The following DPH1 variants were observed in gnomAD, a reference collection of about 807,000 sequenced individuals.
DPH1 encodes 2-(3-amino-3-carboxypropyl)histidine synthase subunit 1.
A neutral mutation model predicts 55.3 loss-of-function variants in DPH1; 59 were observed. That is an observed-to-expected ratio of 1.07 (90% CI 0.87 to 1.33). The LOEUF is 1.33. Ranked by LOEUF, DPH1 falls within the 40% of genes most tolerant of loss-of-function variation. The pLI is 0.00. For missense variants in DPH1, 628 were observed against 584.8 expected, an observed-to-expected ratio of 1.07 and a Z score of -0.76; for synonymous variants, 238 against 235.5, an observed-to-expected ratio of 1.01 and a Z score of -0.10.
chr17:2,042,216 G>A (rs868249971), intron 12 of DPH1: 3 of 1,428,986 alleles, frequency 2.1e-6, no homozygotes, highest in Non-Finnish European at 9.1e-7. Context: ...CCCCGAGGGC[G>A]CCAGATCAGA....
chr17:2,041,767 G>T lies in DPH1; in HGVS notation c.1228-1G>T. Reference sequence around the variant, plus strand: ...ACCCTAACCAAAGTCTGCGACCTCAGGTGCAGGAGGGGTCCGCGCGTCCCC... The same window carrying T: ...ACCCTAACCAAAGTCTGCGACCTCATGTGCAGGAGGGGTCCGCGCGTCCCC... On this transcript the variant is annotated splice_acceptor_variant, in intron 11 of 12. Transcript: ENST00000263083. LOFTEE classifies it high-confidence loss of function. The T allele has an allele frequency of 6.2e-7, 1 of 1,603,628 alleles. No homozygotes were observed. Among genetic ancestry groups the T allele is most frequent in the Non-Finnish European group, 8.5e-7 (1 of 1,175,644 alleles).
chr17:2,041,141 G>A lies in DPH1; in HGVS notation c.1046G>A (p.Trp349Ter), dbSNP rs1268269711. Residue 349 changes from tryptophan (W) to a stop codon, truncating the protein, a stop_gained, in exon 10 of 13, where the codon TGG becomes TAG. Transcript: ENST00000263083. LOFTEE classifies it high-confidence loss of function. ...GCATGTCCACGTCTCTCCATTGACT[G>A]GGGCACAGCCTTCCCCAAGCCGCTG... ...QVACPRLSID[W>*]GTAFPKPLLT... 2 of 1,606,060 alleles carry A rather than the reference G, an allele frequency of 1.2e-6. No homozygotes were observed. The highest frequency in any genetic ancestry group is 1.7e-6 in the Non-Finnish European group (2 of 1,176,440).
At position 2,042,916 on chromosome 17, in the gene DPH1, C is replaced by T. The variant is rs762516476; in HGVS notation, c.*330C>T. On this transcript the variant is annotated 3_prime_UTR_variant, in exon 13 of 13. Transcript: ENST00000263083. ...GTTCAAGGAATCCATCCTGCAAAGG[C>T]CCTTGTCATTGCCTTCGCTCCATGT... The T allele has an allele frequency of 6.2e-7, 1 of 1,614,190 alleles. No individual in the cohort carries two copies. The highest frequency in any genetic ancestry group is 8.5e-7 in the Non-Finnish European group (1 of 1,180,046).
At chr17:2,042,062 A>T (rs745550560) in intron 12 of DPH1, 187 bp downstream of exon 12, 4 of 1,541,514 alleles carry the variant, frequency 2.6e-6, no homozygotes, top group Admixed American at 1.9e-5. Context: ...CCGCGCAGCG[A>T]CCCCTGCGGG....
Position 2,040,610 on chromosome 17 carries a change from G to GTATC in DPH1, c.1007+7_1007+10dup. 6.2e-7 allele frequency: 1 copy of GTATC among 1,613,800 alleles called. No homozygotes were observed. The highest frequency in any genetic ancestry group is 8.5e-7 in the Non-Finnish European group (1 of 1,179,682). ...CCTACTTCCTGAGGTGGATGTGTGAGTATCTGCCTGGCTATGACTGGCTAA... is the reference window on the plus strand; with the variant it reads ...CCTACTTCCTGAGGTGGATGTGTGAGTATCTATCTGCCTGGCTATGACTGGCTAA... On this transcript the variant is annotated splice_donor_region_variant and intron_variant, in intron 9 of 12. Transcript: ENST00000263083.
rs752448387 is a variant in DPH1, at chr17:2,043,157, C to T, written c.*571C>T. ...ATCCAGCTCCTCTAGGGGCAGCCTC[C>T]GTCATCCATGCCCTCCCAGGACCCT... On this transcript the variant is annotated 3_prime_UTR_variant, in exon 13 of 13. Coordinates refer to ENST00000263083, the MANE Select transcript of DPH1 (RefSeq NM_001383.6). 6 of 1,571,250 alleles carry T rather than the reference C, an allele frequency of 3.8e-6. No individual in the cohort carries two copies. Among genetic ancestry groups the T allele is most frequent in the Admixed American group, 1.7e-5 (1 of 58,596 alleles).
chr17:2,031,794 G>A (rs2067336112), intron 1 of DPH1, among the ~76,000 whole-genome samples: 1 of 152,132 alleles, frequency 6.6e-6, no homozygotes, highest in Admixed American at 6.6e-5. Context: ...ATCCTACTTA[G>A]GAGTAGGATG....
rs1267481236 is a variant in DPH1, at chr17:2,041,094, C to T, written c.1008-9C>T. On this transcript the variant is annotated splice_polypyrimidine_tract_variant and intron_variant, in intron 9 of 12. Transcript: ENST00000263083. Reference sequence around the variant, plus strand: ...CCTTCCTAGGGTCTGACCTGGCTTCCCTTCCCAGGTGGGTGCAGGTGGCAT... The same window carrying T: ...CCTTCCTAGGGTCTGACCTGGCTTCTCTTCCCAGGTGGGTGCAGGTGGCAT... 3.2e-5 allele frequency: 51 copies of T among 1,595,304 alleles called. No homozygotes were observed. The highest frequency in any genetic ancestry group is 4.1e-5 in the Non-Finnish European group (48 of 1,170,334).
chr17:2,035,668 G>A (rs2067412175), intron 3 of DPH1, among the ~76,000 whole-genome samples: 1 of 152,160 alleles, frequency 6.6e-6, no homozygotes, highest in Non-Finnish European at 1.5e-5. Context: ...AGGGCATGGG[G>A]CGTCTGTGTT....
chr17:2,034,079 G>A (rs2067369264), intron 3 of DPH1, among the ~76,000 whole-genome samples: 1 of 151,956 alleles, frequency 6.6e-6, no homozygotes, highest in Non-Finnish European at 1.5e-5. Context: ...TTGGGACAGA[G>A]AAAGAAATCA....
At chr17:2,035,508 CCCTGCCTGTGGTGGGGAGGGAGTGGGGGT>C (rs2067407977) in intron 3 of DPH1, among the ~76,000 whole-genome samples, 1 of 121,520 alleles carries the variant, frequency 8.2e-6, no homozygotes, top group East Asian at 3.9e-4. Flanking sequence ...GGGGTGGGGG[CCCTGCCTGTGGTGGGGAGGGAGTGGGGGT>C]CCCGGCAAGA....
chr17:2,041,666 C>T (rs1423918043), intron 11 of DPH1, 45 bp downstream of exon 11: 3 of 1,583,156 alleles, frequency 1.9e-6, no homozygotes, highest in South Asian at 2.3e-5. Flanking sequence ...CGCCTGGGCA[C>T]TGGCCGCCGC....
At chr17:2,033,096 C>T (rs887090684) in intron 1 of DPH1, among the ~76,000 whole-genome samples, 2 of 152,126 alleles carry the variant, frequency 1.3e-5, no homozygotes, top group African/African-American at 4.8e-5. Flanking sequence ...TGGGGAATTT[C>T]TGGAACTTTC....
chr17:2,030,143 T>C, upstream of DPH1: 1 of 1,596,160 alleles, frequency 6.3e-7, no homozygotes. Flanking sequence ...AGCGCTGTCT[T>C]TTTAGTACCA....
intron 1 of DPH1, among the ~76,000 whole-genome samples, chr17:2,033,011 C>T (rs1055797232): frequency 4.6e-5 from 7 of 152,154 alleles, no homozygotes; most frequent in Non-Finnish European, 7.4e-5. Context: ...GGATTACAGG[C>T]GTGAGCCACT....
chr17:2,032,837 G>A (rs1937708404), intron 1 of DPH1, among the ~76,000 whole-genome samples: 1 of 152,170 alleles, frequency 6.6e-6, no homozygotes, highest in South Asian at 2.1e-4. Flanking sequence ...TCCGCCTCCC[G>A]GGTTCACCCC....
At chr17:2,042,326 C>G in intron 12 of DPH1, 1 of 1,382,810 alleles carries the variant, frequency 7.2e-7, no homozygotes, top group Non-Finnish European at 9.4e-7. Flanking sequence ...TGCGTCCACC[C>G]GCATTCCTCC....
At chr17:2,035,459 TGGGGGTCCGGGTGA>T (rs1416535979) in intron 3 of DPH1, among the ~76,000 whole-genome samples, 2 of 8,916 alleles carry the variant, frequency 2.2e-4, no homozygotes, top group East Asian at 7.2e-3. Context: ...GGGGAGGTAG[TGGGGGTCCGGGTGA>T]GGGGGCCCTG....
Position 2,036,949 on chromosome 17 carries a change from G to A in DPH1, c.673G>A (p.Ala225Thr), listed in dbSNP as rs1197819341. 1.1e-5 allele frequency: 18 copies of A among 1,612,570 alleles called. No homozygotes were observed. Among genetic ancestry groups the A allele is most frequent in the African/African-American group, 2.7e-5 (2 of 74,830 alleles). The change falls in exon 6 of 13, where the codon GCC becomes ACC. Residue 225 changes from alanine to threonine, a missense_variant. Coordinates refer to ENST00000263083, the MANE Select transcript of DPH1 (RefSeq NM_001383.6). This position sits in a 1 kb window ranked among gnomAD's most constrained non-coding sequence, Gnocchi z 4.8. ...CCCCCGACTGTCCAAAGAGGTGGAG[G>A]CCGTTGTGTAAGTTAAAAATGGGGG... The part of the protein sequence containing the change: ...TSPRLSKEVE[A>T]VVYLGDGRFH...
Sources: allele counts gnomAD v4.1 joint callset (sites outside exome capture counted in the v4.1 genomes callset), GRCh38; gene constraint gnomAD v4.1.1; non-coding constraint Gnocchi (gnomAD v3.1); transcripts MANE v1.5; gene names NCBI Gene and HGNC (gene_info 2026-07-23, HGNC 2026-07-21).